UGT1A7: variants seen among roughly 807,000 people sequenced by gnomAD.
The protein encoded by UGT1A7 is UDP glucuronosyltransferase family 1 member A7, also known as UDP-glucuronosyltransferase 1A7.
A neutral mutation model predicts 45.6 loss-of-function variants in UGT1A7; 33 were observed. The observed-to-expected ratio is 0.72, with a 90% CI of 0.55 to 0.97. UGT1A7 has a LOEUF of 0.97. UGT1A7 is among the 50% of genes least tolerant of loss of function. The pLI, the probability that UGT1A7 is intolerant of heterozygous loss-of-function variation, is 0.00. For synonymous variants in UGT1A7, 274 were observed against 250.6 expected (o/e 1.09, Z -0.88); for missense variants, 684 against 666.2 (o/e 1.03, Z -0.29).
chr2:233,703,927 G>T (rs1468574545), intron 1 of UGT1A7, among the ~76,000 whole-genome samples: 2 of 150,936 alleles, frequency 1.3e-5, no homozygotes, highest in African/African-American at 4.9e-5. Context: ...ATCTCATTCT[G>T]TTACCCAGAC....
At chr2:233,737,721 CT>C (rs1222184655) in intron 1 of UGT1A7, among the ~76,000 whole-genome samples, 14 of 151,438 alleles carry the variant, frequency 9.2e-5, no homozygotes, top group African/African-American at 1.9e-4. Flanking sequence ...CCAACACCTC[CT>C]TTTTTTTTCC....
At position 233,682,221 on chromosome 2, in the gene UGT1A7, A is replaced by G. The variant is rs2074565601; in HGVS notation, c.284A>G (p.Asp95Gly). ...GACCGGGAGTTCATGGTTTTTGCCG[A>G]TGCTCGCTGGACGGCACCATTGCGA... ...DQDREFMVFA[D>G]ARWTAPLRSA... is the part of the protein sequence containing the mutation. The change falls in exon 1 of 5, where the codon GAT (aspartate) becomes GGT (glycine). Residue 95 changes from aspartate (D) to glycine (G), a missense_variant. By Grantham distance (94) the Asp-to-Gly change is moderately conservative (BLOSUM62 -1). Transcript: ENST00000373426. 1.2e-6 allele frequency: 2 copies of G among 1,614,082 alleles called. No homozygotes were observed. Among genetic ancestry groups the G allele is most frequent in the Non-Finnish European group, 1.7e-6 (2 of 1,180,034 alleles).
At chr2:233,749,908 A>G (rs1325539824) in intron 1 of UGT1A7, among the ~76,000 whole-genome samples, 1 of 151,938 alleles carries the variant, frequency 6.6e-6, no homozygotes, top group African/African-American at 2.4e-5. Flanking sequence ...AGCCACCTGG[A>G]ACTGTGAGTC....
intron 4 of UGT1A7, chr2:233,770,332 T>C (rs1040470973): frequency 6.6e-6 from 1 of 152,102 alleles, no homozygotes; most frequent in Non-Finnish European, 1.5e-5. Context: ...CAGGCCATAA[T>C]AGGTGCTCAA....
chr2:233,751,840 C>T (rs55891750), intron 1 of UGT1A7, among the ~76,000 whole-genome samples: 9,684 of 152,142 alleles, frequency 0.064, 535 homozygotes, highest in African/African-American at 0.14. Context: ...GGAACTGAGT[C>T]ATTTAAACCT....
intron 1 of UGT1A7, among the ~76,000 whole-genome samples, chr2:233,766,590 C>T (rs1008625240): frequency 6.6e-6 from 1 of 152,194 alleles, no homozygotes; most frequent in Admixed American, 6.5e-5. Context: ...GTGGAGCCCT[C>T]GCCAGGGACC....
chr2:233,729,160 C>G, intron 1 of UGT1A7: 5 of 1,613,564 alleles, frequency 3.1e-6, no homozygotes, highest in Non-Finnish European at 4.2e-6. Context: ...CCTGCCGTGG[C>G]TGGCCACAGG....
intron 1 of UGT1A7, among the ~76,000 whole-genome samples, chr2:233,688,667 T>A (rs1207441299): frequency 6.6e-6 from 1 of 152,216 alleles, no homozygotes; most frequent in Non-Finnish European, 1.5e-5. Flanking sequence ...TGCAGCTGGC[T>A]CTTTTTTAAA....
At chr2:233,730,044 A>T (rs2361501) in intron 1 of UGT1A7, 750,246 of 1,611,504 alleles carry the variant, frequency 0.47, 182,645 homozygotes, top group African/African-American at 0.81. Flanking sequence ...AACACTTTTT[A>T]AAAAAATGTA....
chr2:233,746,228 CA>C (rs1693331108), intron 1 of UGT1A7, among the ~76,000 whole-genome samples: 1 of 151,630 alleles, frequency 6.6e-6, no homozygotes, highest in Non-Finnish European at 1.5e-5. Context: ...GACAGATATG[CA>C]AACTGCTAAA....
chr2:233,772,994 C>G lies in UGT1A7; in HGVS notation c.*435C>G, dbSNP rs1700561362. The G allele has an allele frequency of 1.2e-5, 3 of 254,612 alleles. No homozygotes were observed. Among genetic ancestry groups the G allele is most frequent in the Admixed American group, 5.0e-5 (1 of 19,886 alleles). The allele number at this position is 254,612 out of a possible 1,614,324, so 15.8% of individuals were successfully genotyped here. On this transcript the variant is annotated 3_prime_UTR_variant, in exon 5 of 5. Transcript: ENST00000373426. Reference sequence around the variant, plus strand: ...AACCAATAATGGTCAGTCCTCATCTCTGTCGTGCTTCATAGGTGCCACCTT... The same window carrying G: ...AACCAATAATGGTCAGTCCTCATCTGTGTCGTGCTTCATAGGTGCCACCTT...
At position 233,769,083 on chromosome 2, in the gene UGT1A7, A is replaced by G. The variant is rs1376592971; in HGVS notation, c.1295+644A>G. On this transcript the variant is annotated intron_variant, in intron 4 of 4. Coordinates refer to ENST00000373426, the MANE Select transcript of UGT1A7 (RefSeq NM_019077.3). This position sits in a 1 kb window ranked among gnomAD's most constrained non-coding sequence, Gnocchi z 4.4. The stretch of plus-strand genomic sequence containing the variant: ...ACAGAAAGAAATACTCCATTATAAG[A>G]AGCATAGTATCTTTAAGAGAAAAAC... 1.3e-5 allele frequency among the ~76,000 whole-genome samples: 2 copies of G among 152,224 alleles called. No homozygotes were observed. Among genetic ancestry groups the G allele is most frequent in the Non-Finnish European group, 2.9e-5 (2 of 68,046 alleles).
intron 1 of UGT1A7, among the ~76,000 whole-genome samples, chr2:233,694,343 T>A (rs1046388830): frequency 1.3e-5 from 2 of 152,038 alleles, no homozygotes; most frequent in Admixed American, 6.5e-5. Flanking sequence ...TGTTTTTATA[T>A]GGCCCAGAGC....
chr2:233,712,529 C>A (rs1162608950), intron 1 of UGT1A7, among the ~76,000 whole-genome samples: 3 of 152,310 alleles, frequency 2.0e-5, no homozygotes, highest in Middle Eastern at 3.4e-3. Flanking sequence ...TGCTGTGTTA[C>A]CCATATGTGG....
At chr2:233,719,389 C>A (rs1343929267) in intron 1 of UGT1A7, 1 of 1,613,916 alleles carries the variant, frequency 6.2e-7, no homozygotes, top group Admixed American at 1.7e-5. Flanking sequence ...TGTCCAAATC[C>A]TTCCTCCTAT....
chr2:233,700,502 C>T (rs956057394), intron 1 of UGT1A7, among the ~76,000 whole-genome samples: 2 of 152,038 alleles, frequency 1.3e-5, no homozygotes, highest in Non-Finnish European at 2.9e-5. Flanking sequence ...AGCCTAGAAA[C>T]TTGACTGTCT....
intron 1 of UGT1A7, among the ~76,000 whole-genome samples, chr2:233,706,103 A>T (rs564369770): frequency 6.6e-6 from 1 of 152,060 alleles, no homozygotes; most frequent in Non-Finnish European, 1.5e-5. Context: ...TTAAAAAAAA[A>T]CCAAGAATTT....
At chr2:233,700,676 GTGATAATATATAAACTACAC>G (rs1157026955) in intron 1 of UGT1A7, among the ~76,000 whole-genome samples, 23 of 151,838 alleles carry the variant, frequency 1.5e-4, no homozygotes, top group Middle Eastern at 3.4e-3. Flanking sequence ...GCACAAATTC[GTGATAATATATAAACTACAC>G]TTTGAATGTT....
chr2:233,729,506 C>G lies in UGT1A7; in HGVS notation c.856-37528C>G, dbSNP rs192895083. ...AATATGTCTTTGGTCTATCATAGGT[C>G]TTGTGTGGAGCTACTACATAATGAG... On this transcript the variant is annotated intron_variant, in intron 1 of 4. Transcript: ENST00000373426. The G allele has an allele frequency of 6.7e-5, 108 of 1,614,162 alleles. No homozygotes were observed. Among genetic ancestry groups the G allele is most frequent in the Non-Finnish European group, 8.6e-5 (102 of 1,180,030 alleles).
Sources: allele counts gnomAD v4.1 joint callset (sites outside exome capture counted in the v4.1 genomes callset), GRCh38; gene constraint gnomAD v4.1.1; non-coding constraint Gnocchi (gnomAD v3.1); transcripts MANE v1.5; gene names NCBI Gene and HGNC (gene_info 2026-07-23, HGNC 2026-07-21).